Variants in SIM2 observed in about 807,000 individuals in gnomAD.
The protein encoded by SIM2 is single-minded homolog 2.
Under a neutral mutation model 64.8 loss-of-function variants are expected in SIM2, and 28 were observed. The observed-to-expected ratio is 0.43, with a 90% CI of 0.32 to 0.59. SIM2 has a LOEUF of 0.59. Ranked by LOEUF, SIM2 falls within the 20% of genes least tolerant of loss-of-function variation. SIM2 has a pLI of 0.07. For missense variants in SIM2, 847 were observed against 871.4 expected, an observed-to-expected ratio of 0.97 and a Z score of 0.35; for synonymous variants, 408 against 391.1, an observed-to-expected ratio of 1.04 and a Z score of -0.51.
chr21:36,728,367 T>G (rs1288923563), intron 6 of SIM2, among the ~76,000 whole-genome samples: 1 of 152,172 alleles, frequency 6.6e-6, no homozygotes, highest in Non-Finnish European at 1.5e-5. Context: ...TTTCAAGCCG[T>G]TCAATCCACA....
intron 3 of SIM2, among the ~76,000 whole-genome samples, chr21:36,717,533 C>G (rs531919411): frequency 6.7e-6 from 1 of 149,828 alleles, no homozygotes; most frequent in Non-Finnish European, 1.5e-5. Context: ...CTGCAAACTG[C>G]GCCTCCCGGG....
chr21:36,745,802 G>T lies in SIM2; in HGVS notation c.1576+666G>T. 7.7e-7 allele frequency: 1 copy of T among 1,303,844 alleles called. No homozygotes were observed. 80.8% of individuals were successfully genotyped at this position (1,303,844 alleles called of 1,614,324 possible). ...ACCTTCTCCTGGTGGCAGGCAAGCA[G>T]ATGTCCTCTGCGGAGATACCGCCAG... On this transcript the variant is annotated intron_variant, in intron 10 of 10. Transcript: ENST00000290399. This position sits in a 1 kb window ranked among gnomAD's most constrained non-coding sequence, Gnocchi z 4.8.
chr21:36,749,876 AG>A lies in SIM2; in HGVS notation c.*1786del, dbSNP rs2089315026. The A allele has an allele frequency of 6.6e-6, 1 of 152,238 alleles. No individual in the cohort carries two copies. Among genetic ancestry groups the A allele is most frequent in the Admixed American group, 6.5e-5 (1 of 15,280 alleles). The allele number at this position is 152,238 out of a possible 1,614,324, so 9.4% of individuals were successfully genotyped here. On this transcript the variant is annotated 3_prime_UTR_variant, in exon 11 of 11. Coordinates refer to ENST00000290399, the MANE Select transcript of SIM2 (RefSeq NM_005069.6). ...GGCTATCGGAGCAGTTCAATAACAA[AG>A]GTTACTGTTGAGAAAAAAGACCCTA... is the stretch of plus-strand genomic sequence containing the variant.
chr21:36,719,736 T>C (rs1379561654), intron 3 of SIM2, 85 bp from the exon 4 acceptor site: 5 of 777,874 alleles, frequency 6.4e-6, no homozygotes, highest in Non-Finnish European at 1.2e-5. Context: ...CCTGGCAGGG[T>C]GAGCACCTGT....
intron 8 of SIM2, among the ~76,000 whole-genome samples, chr21:36,742,096 G>A (rs2123501101): frequency 6.6e-6 from 1 of 152,040 alleles, no homozygotes; most frequent in East Asian, 1.9e-4. Context: ...GGGGAGCCAG[G>A]AGGAGGGGGC....
chr21:36,746,834 T>C (rs1463683199), intron 10 of SIM2, among the ~76,000 whole-genome samples: 1 of 152,228 alleles, frequency 6.6e-6, no homozygotes, highest in Non-Finnish European at 1.5e-5. Flanking sequence ...TGAATTTGTG[T>C]GTCGGAAGCT....
intron 3 of SIM2, among the ~76,000 whole-genome samples, chr21:36,718,603 C>T (rs2088777060): frequency 6.6e-6 from 1 of 152,190 alleles, no homozygotes; most frequent in African/African-American, 2.4e-5. Flanking sequence ...AGGACGGTTT[C>T]CCACATGCTT....
chr21:36,713,342 G>A (rs2088701523), intron 3 of SIM2, among the ~76,000 whole-genome samples: 1 of 152,206 alleles, frequency 6.6e-6, no homozygotes, highest in South Asian at 2.1e-4. Flanking sequence ...GGCAAGCCAA[G>A]GGTTTGATGG....
rs527578296 is a variant in SIM2, at chr21:36,732,222, G to A, written c.850+1071G>A. On this transcript the variant is annotated intron_variant, in intron 7 of 10. Transcript: ENST00000290399. ...TCCAAATGGAGGCAAAGACTAATTT[G>A]GATGGAGTGGAATGCCTCATCCTCC... Among the ~76,000 whole-genome samples the A allele has an allele frequency of 2.4e-4, 36 of 152,358 alleles. No homozygotes were observed. In the South Asian group the frequency reaches 7.0e-3, roughly 30 times the overall value.
At chr21:36,736,781 T>TTC in intron 7 of SIM2, among the ~76,000 whole-genome samples, 3 of 82,648 alleles carry the variant, frequency 3.6e-5, no homozygotes, top group Admixed American at 2.6e-4. Flanking sequence ...TCTTTCTTTC[T>TTC]TTTCCTTCTT....
chr21:36,714,725 C>T (rs970698213), intron 3 of SIM2, among the ~76,000 whole-genome samples: 6 of 152,102 alleles, frequency 3.9e-5, no homozygotes, highest in African/African-American at 9.7e-5. Context: ...TCAGTCAGGC[C>T]GTCCAAGTTA....
intron 1 of SIM2, among the ~76,000 whole-genome samples, chr21:36,701,058 C>T (rs2088487043): frequency 6.6e-6 from 1 of 152,218 alleles, no homozygotes; most frequent in Non-Finnish European, 1.5e-5. Flanking sequence ...GCCTCTGCTC[C>T]CAGCGGGGTC....
At position 36,726,247 on chromosome 21, in the gene SIM2, G is replaced by A. The variant is rs1463573315; in HGVS notation, c.672G>A (p.Glu224=). Residue 224 remains glutamate (E), a synonymous_variant, in exon 6 of 11, where the codon GAG becomes GAA. Transcript: ENST00000290399. The surrounding 1 kb of genome is among the most constrained non-coding windows in gnomAD (Gnocchi z 4.5). ...CGCTGCCACCCAGTGCCATCACCGAGATCAAGCTGTACAGTAACATGTTCA... is the reference window on the plus strand; with the variant it reads ...CGCTGCCACCCAGTGCCATCACCGAAATCAAGCTGTACAGTAACATGTTCA... ...GQSLPPSAIT[E]IKLYSNMFMF... is the part of the protein sequence containing the mutation. 1 of 1,613,782 alleles carries A rather than the reference G, an allele frequency of 6.2e-7. No homozygotes were observed. The highest frequency in any genetic ancestry group is 8.5e-7 in the Non-Finnish European group (1 of 1,180,042).
rs139463144 is a variant in SIM2 at position 36,711,287 on chromosome 21, G to A, written c.259-1246G>A. On this transcript the variant is annotated intron_variant, in intron 2 of 10. Coordinates refer to ENST00000290399, the MANE Select transcript of SIM2 (RefSeq NM_005069.6). The stretch of plus-strand genomic sequence containing the variant: ...GGAATTAAGCAAGCATGCCAAATGC[G>A]CCAAGACATTTATAACTTTAGAAAT... Among the ~76,000 whole-genome samples, 202 of 152,254 alleles carry A rather than the reference G, an allele frequency of 1.3e-3. 1 individual carries two copies. Among genetic ancestry groups the A allele is most frequent in the African/African-American group, 4.5e-3 (187 of 41,530 alleles).
chr21:36,733,416 G>A (rs542947177), intron 7 of SIM2, among the ~76,000 whole-genome samples: 1 of 151,862 alleles, frequency 6.6e-6, no homozygotes, highest in African/African-American at 2.4e-5. Flanking sequence ...ATACAGACAG[G>A]GTTTTGCCAT....
chr21:36,715,183 C>T (rs2088730167), intron 3 of SIM2, among the ~76,000 whole-genome samples: 3 of 152,172 alleles, frequency 2.0e-5, no homozygotes, highest in Non-Finnish European at 2.9e-5. Flanking sequence ...AGGGAGCGTT[C>T]CACGGTGAAC....
rs368167506 is a variant in SIM2 at position 36,714,055 on chromosome 21, A to G, written c.348+1433A>G. 7.9e-5 allele frequency among the ~76,000 whole-genome samples: 12 copies of G among 152,366 alleles called. 1 individual carries two copies. Among genetic ancestry groups the G allele is most frequent in the East Asian group, 3.9e-4 (2 of 5,186 alleles). On this transcript the variant is annotated intron_variant, in intron 3 of 10. Coordinates refer to ENST00000290399, the MANE Select transcript of SIM2 (RefSeq NM_005069.6). The stretch of plus-strand genomic sequence containing the variant: ...TCCATAATTATTAGGTTGATGCAAA[A>G]GTAAATGCGGTCTTTCCATTACTTT...
intron 7 of SIM2, among the ~76,000 whole-genome samples, chr21:36,731,571 A>G (rs1230997278): frequency 6.6e-6 from 1 of 152,164 alleles, no homozygotes; most frequent in Non-Finnish European, 1.5e-5. Context: ...CATGATCCTC[A>G]TTTTACCAGT....
In SIM2 at chr21:36,712,590, G is replaced by C; in HGVS notation, c.316G>C (p.Glu106Gln). 1.9e-6 allele frequency: 3 copies of C among 1,613,514 alleles called. No individual in the cohort carries two copies. The South Asian group carries it at 3.3e-5, about 18-fold the overall frequency. ...ASDGKIMYIS[E>Q]TASVHLGLSQ... Reference sequence around the variant, plus strand: ...TGATGGCAAAATCATGTATATATCCGAGACCGCTTCTGTCCATTTAGGCTT... The same window carrying C: ...TGATGGCAAAATCATGTATATATCCCAGACCGCTTCTGTCCATTTAGGCTT... Residue 106 changes from glutamate to glutamine, a missense_variant, in exon 3 of 11, where the codon GAG becomes CAG. By Grantham distance (29) the Glu-to-Gln change is conservative. This residue lies in a region of SIM2 where 397 missense variants were observed against 439.2 expected (regional missense o/e 0.90). Coordinates refer to ENST00000290399, the MANE Select transcript of SIM2 (RefSeq NM_005069.6).
Sources: gnomAD v4.1 joint callset for allele counts (sites outside exome capture counted in the v4.1 genomes callset) on GRCh38, gnomAD v4.1.1 for gene constraint, gnomAD v4.1.1 regional missense constraint, Gnocchi (gnomAD v3.1) non-coding constraint, MANE v1.5 for transcripts, NCBI Gene and HGNC (gene_info 2026-07-23, HGNC 2026-07-21) for gene names.